Variants in YLPM1 observed in about 807,000 individuals in gnomAD.
The protein encoded by YLPM1 is YLP motif-containing protein 1.
YLPM1 carries 99 observed loss-of-function variants against 230.0 expected under a neutral mutation model. The observed-to-expected ratio is 0.43, with a 90% CI of 0.37 to 0.51. The LOEUF (loss-of-function observed/expected upper bound fraction) is 0.51, where lower values mean the gene tolerates loss of function less well. Among genes scored for constraint, YLPM1 ranks in the 20% least tolerant of loss-of-function variants. The pLI is 0.00. For missense variants in YLPM1, 2,592 were observed against 2,707.7 expected (o/e 0.96, Z 0.95); for synonymous variants, 984 against 942.5 (o/e 1.04, Z -0.81).
intron 18 of YLPM1, among the ~76,000 whole-genome samples, chr14:74,825,294 C>T (rs2091553200): frequency 6.6e-6 from 1 of 152,066 alleles, no homozygotes; most frequent in Non-Finnish European, 1.5e-5. Flanking sequence ...GCCCCAACTA[C>T]TTGTGTTAGT....
At chr14:74,807,433 G>A (rs182420786) in intron 6 of YLPM1, among the ~76,000 whole-genome samples, 91 of 152,286 alleles carry the variant, frequency 6.0e-4, no homozygotes, top group South Asian at 2.3e-3. Context: ...TGTAATCCCA[G>A]CACTTTGGGA....
chr14:74,811,653 C>T lies in YLPM1; in HGVS notation c.5262C>T (p.Ser1754=). 3 of 1,612,748 alleles carry T rather than the reference C, an allele frequency of 1.9e-6. No individual in the cohort carries two copies. Among genetic ancestry groups the T allele is most frequent in the Non-Finnish European group, 2.5e-6 (3 of 1,179,532 alleles). The change falls in exon 10 of 21, where the codon TCC becomes TCT. Residue 1754 remains serine, a synonymous_variant. Transcript: ENST00000325680. The part of the protein sequence containing the change: ...AQSYRDKKDH[S]SSRRGGFDRP... ...CATATCGAGACAAAAAAGACCATTC[C>T]TCATCCAGAAGAGGGGGTTTTGATA...
chr14:74,780,225 G>A (rs1164021107), intron 2 of YLPM1, among the ~76,000 whole-genome samples, 180 bp from the exon 3 acceptor site: 1 of 152,166 alleles, frequency 6.6e-6, no homozygotes, highest in Non-Finnish European at 1.5e-5. Flanking sequence ...TATAGATAGA[G>A]CTATGTGTTT....
chr14:74,827,572 A>G (rs941129954), intron 18 of YLPM1: 1 of 985,318 alleles, frequency 1.0e-6, no homozygotes, highest in African/African-American at 1.7e-5. Context: ...CAGTTTTCAC[A>G]CTGCCCTTCT....
At chr14:74,794,917 T>C (rs2091244612) in intron 4 of YLPM1, among the ~76,000 whole-genome samples, 1 of 152,170 alleles carries the variant, frequency 6.6e-6, no homozygotes, top group South Asian at 2.1e-4. Flanking sequence ...TTCCCTTTGC[T>C]CTAAGTAAGT....
Position 74,835,404 on chromosome 14 carries a change from A to G in YLPM1, c.6434A>G (p.Tyr2145Cys). The G allele has an allele frequency of 6.2e-7, 1 of 1,613,494 alleles. No individual in the cohort carries two copies. Among genetic ancestry groups the G allele is most frequent in the Non-Finnish European group, 8.5e-7 (1 of 1,179,582 alleles). ...LAEKALNRTK[Y>C]I ...GAAAAAGCCCTCAATCGAACCAAAT[A>G]TATATGAGACTTAGTTTTTGAACGG... The change falls in exon 20 of 21, where the codon TAT (tyrosine) becomes TGT (cysteine). Residue 2145 changes from tyrosine (Y) to cysteine (C), a missense_variant. Physicochemically the swap from Tyr to Cys is radical, Grantham distance 194. Around this residue, in one of 4 missense-constraint regions of YLPM1, gnomAD observed 315 missense variants for 429.3 expected, o/e 0.73. Transcript: ENST00000325680.
At chr14:74,772,211 ATCTT>A (rs1410103626) in intron 1 of YLPM1, among the ~76,000 whole-genome samples, 31 of 145,270 alleles carry the variant, frequency 2.1e-4, no homozygotes, top group Admixed American at 1.2e-3. Flanking sequence ...TAAAATCAAC[ATCTT>A]TCTTTTTTTT....
chr14:74,822,252 T>C (rs981758097), intron 17 of YLPM1: 1 of 152,180 alleles, frequency 6.6e-6, no homozygotes. Flanking sequence ...ATGACTTCTT[T>C]AGCCATTTGC....
intron 19 of YLPM1, 90 bp from the exon 20 acceptor site, chr14:74,835,175 C>T: frequency 6.8e-7 from 1 of 1,465,776 alleles, no homozygotes. Flanking sequence ...TCAAATGAGT[C>T]ATTCTACCCC....
intron 1 of YLPM1, among the ~76,000 whole-genome samples, chr14:74,765,899 TGTG>T (rs1285793018): frequency 6.6e-6 from 1 of 152,228 alleles, no homozygotes; most frequent in Non-Finnish European, 1.5e-5. Flanking sequence ...AAATGAGACT[TGTG>T]GTGCACATAG....
Position 74,781,806 on chromosome 14 carries a change from C to T in YLPM1, c.1763C>T (p.Pro588Leu). The stretch of plus-strand genomic sequence containing the variant: ...CCTTCTCTCTCTTCTGCAGGGCCAC[C>T]ACCAGTTCTCCCCCCACCTTCCCTG... Reference protein sequence around the residue: ...MPPSLSSAGPPPVLPPPSLSS... With the variant: ...MPPSLSSAGPLPVLPPPSLSS... The change falls in exon 4 of 21, where the codon CCA (proline) becomes CTA (leucine). Residue 588 changes from proline to leucine, a missense_variant. By Grantham distance (98) the Pro-to-Leu change is moderately conservative. Around this residue, in one of 4 missense-constraint regions of YLPM1, gnomAD observed 1,862 missense variants for 1,819.8 expected, o/e 1.02. Coordinates refer to ENST00000325680, the MANE Select transcript of YLPM1 (RefSeq NM_019589.3). 6.2e-6 allele frequency: 10 copies of T among 1,612,666 alleles called. No homozygotes were observed. The highest frequency in any genetic ancestry group is 8.5e-6 in the Non-Finnish European group (10 of 1,179,354).
At position 74,798,743 on chromosome 14, in the gene YLPM1, G is replaced by T; in HGVS notation, c.3446G>T (p.Gly1149Val). Residue 1149 changes from glycine to valine, a missense_variant, in exon 5 of 21, where the codon GGG becomes GTG. By Grantham distance (109) the Gly-to-Val change is moderately radical. Coordinates refer to ENST00000325680, the MANE Select transcript of YLPM1 (RefSeq NM_019589.3). Reference sequence around the variant, plus strand: ...AGCAGGGAGAGAGGACCACCTCGAGGGCCTGGCAGTCGAGAAAGGGGACTG... The same window carrying T: ...AGCAGGGAGAGAGGACCACCTCGAGTGCCTGGCAGTCGAGAAAGGGGACTG... Reference protein sequence around the residue: ...AGSRERGPPRGPGSRERGLGR... With the variant: ...AGSRERGPPRVPGSRERGLGR... 1 of 1,613,324 alleles carries T rather than the reference G, an allele frequency of 6.2e-7. No homozygotes were observed. The highest frequency in any genetic ancestry group is 1.1e-5 in the South Asian group (1 of 91,044).
intron 1 of YLPM1, among the ~76,000 whole-genome samples, chr14:74,773,701 T>C (rs2091002231): frequency 6.7e-6 from 1 of 149,352 alleles, no homozygotes. Context: ...GTCAGTGTGC[T>C]GTTTTCTTTC....
At chr14:74,824,929 T>A (rs2140141598) in intron 18 of YLPM1, among the ~76,000 whole-genome samples, 1 of 152,230 alleles carries the variant, frequency 6.6e-6, no homozygotes, top group South Asian at 2.1e-4. Context: ...AACAAAAAAG[T>A]CATACATATC....
chr14:74,765,816 C>T (rs1454687180), intron 1 of YLPM1, among the ~76,000 whole-genome samples: 2 of 152,064 alleles, frequency 1.3e-5, no homozygotes, highest in African/African-American at 4.8e-5. Flanking sequence ...GCCTTTGTAC[C>T]CTTTTCTGTA....
In YLPM1 at chr14:74,802,458, T is replaced by C. The variant is rs908372267; in HGVS notation, c.4401-98T>C. 4 of 1,413,240 alleles carry C rather than the reference T, an allele frequency of 2.8e-6. No homozygotes were observed. The South Asian group carries it at 4.8e-5, about 17-fold the overall frequency. 87.5% of individuals were successfully genotyped at this position (1,413,240 alleles called of 1,614,324 possible). A position where few individuals can be genotyped will look rare whatever the true frequency, so the allele number is the denominator to read the frequency against. On this transcript the variant is annotated intron_variant, in intron 5 of 20. Coordinates refer to ENST00000325680, the MANE Select transcript of YLPM1 (RefSeq NM_019589.3). ...ACTGCAGAGAATTTTAGGACAAGGA[T>C]TTTTTAGGTCTCCTTTTTTTAATTA...
At chr14:74,810,055 A>C in intron 8 of YLPM1, 53 bp downstream of exon 8, 1 of 1,515,738 alleles carries the variant, frequency 6.6e-7, no homozygotes, top group Non-Finnish European at 8.9e-7. Context: ...CCTAATTATC[A>C]CATGATTTTC....
Position 74,763,402 on chromosome 14 carries a change from C to A in YLPM1, c.-88C>A. ...CCGGGGCCTGTAGGCGCCGCGAGTT[C>A]CGGCTGTCGCCGTCGCCGCCGCGGC... On this transcript the variant is annotated 5_prime_UTR_variant, in exon 1 of 21. Transcript: ENST00000325680. 4 of 1,374,886 alleles carry A rather than the reference C, an allele frequency of 2.9e-6. No homozygotes were observed. Among genetic ancestry groups the A allele is most frequent in the Non-Finnish European group, 3.8e-6 (4 of 1,057,194 alleles). 85.2% of individuals were successfully genotyped at this position (1,374,886 alleles called of 1,614,324 possible).
intron 4 of YLPM1, among the ~76,000 whole-genome samples, chr14:74,785,368 T>G (rs1400509696): frequency 6.6e-6 from 1 of 152,226 alleles, no homozygotes. Context: ...CTACTCACAT[T>G]ATCCACCTTG....
Sources: allele counts gnomAD v4.1 joint callset (sites outside exome capture counted in the v4.1 genomes callset), GRCh38; gene constraint gnomAD v4.1.1; regional missense constraint gnomAD v4.1.1; transcripts MANE v1.5; gene names NCBI Gene and HGNC (gene_info 2026-07-23, HGNC 2026-07-21).